SLC2A9: variants seen among roughly 807,000 people sequenced by gnomAD.
The protein encoded by SLC2A9 is solute carrier family 2 member 9.
SLC2A9 carries 39 observed loss-of-function variants against 50.6 expected under a neutral mutation model. The observed-to-expected ratio is 0.77, with a 90% CI of 0.60 to 1.01. The LOEUF (loss-of-function observed/expected upper bound fraction) is 1.01, where lower values mean the gene tolerates loss of function less well. Ranked by LOEUF, SLC2A9 falls within the 50% of genes least tolerant of loss-of-function variation. The pLI, the probability that SLC2A9 is intolerant of heterozygous loss-of-function variation, is 0.00. For synonymous variants in SLC2A9, 324 were observed against 276.9 expected, an observed-to-expected ratio of 1.17 and a Z score of -1.69; for missense variants, 686 against 677.6, an observed-to-expected ratio of 1.01 and a Z score of -0.14.
At chr4:9,802,911 T>G (rs1339520685) in intron 3 of SLC2A9, among the ~76,000 whole-genome samples, 5 of 152,196 alleles carry the variant, frequency 3.3e-5, no homozygotes, top group Non-Finnish European at 7.3e-5. Context: ...ATTTCCCAAT[T>G]GTACTCTATC....
At chr4:9,897,965 G>C (rs2109864783) in intron 8 of SLC2A9, among the ~76,000 whole-genome samples, 1 of 152,252 alleles carries the variant, frequency 6.6e-6, no homozygotes, top group South Asian at 2.1e-4. Flanking sequence ...GCAGGGGTTG[G>C]GATGATGCTT....
Position 9,901,542 on chromosome 4 carries a change from TCTC to T in SLC2A9, c.1113+6690_1113+6692del, listed in dbSNP as rs541185782. ...AGGGATTTAAAGCATGACCTGGCAC[TCTC>T]CTTTTAACACCCCTGTCCACTAAAA... On this transcript the variant is annotated intron_variant, in intron 8 of 11. Transcript: ENST00000264784. 2.6e-5 allele frequency among the ~76,000 whole-genome samples: 4 copies of T among 152,246 alleles called. No individual in the cohort carries two copies. The South Asian group carries it at 8.3e-4, about 32-fold the overall frequency.
downstream of SLC2A9, among the ~76,000 whole-genome samples, chr4:9,823,643 A>G (rs1439998824): frequency 1.3e-5 from 2 of 152,244 alleles, no homozygotes; most frequent in Non-Finnish European, 2.9e-5. Flanking sequence ...ATACAATATT[A>G]AGGACACTAA....
intron 8 of SLC2A9, among the ~76,000 whole-genome samples, chr4:9,895,053 A>C (rs1738267770): frequency 6.6e-6 from 1 of 152,224 alleles, no homozygotes; most frequent in Non-Finnish European, 1.5e-5. Flanking sequence ...CAAGTGCACC[A>C]CCCACAATTT....
intron 7 of SLC2A9, among the ~76,000 whole-genome samples, chr4:9,910,605 G>C (rs769391536): frequency 2.6e-5 from 4 of 152,176 alleles, no homozygotes; most frequent in Admixed American, 6.5e-5. Context: ...CCGTGGTTCT[G>C]ATCCCCATGG....
chr4:9,771,130 A>G (rs1345182690), downstream of SLC2A9: 3 of 188,458 alleles, frequency 1.6e-5, no homozygotes, highest in East Asian at 3.5e-4. Context: ...GGATATTGCA[A>G]AGCATTCAGT....
downstream of SLC2A9, among the ~76,000 whole-genome samples, chr4:9,821,756 A>G (rs1724432076): frequency 6.6e-6 from 1 of 152,238 alleles, no homozygotes; most frequent in Non-Finnish European, 1.5e-5. Flanking sequence ...TTAGTTTCAT[A>G]AAATGAGTTA....
chr4:9,991,415 C>T (rs1022160184), intron 3 of SLC2A9, among the ~76,000 whole-genome samples: 14 of 152,262 alleles, frequency 9.2e-5, no homozygotes, highest in Middle Eastern at 3.4e-3. Flanking sequence ...CATGTAACCT[C>T]GCTCGGGCCA....
At chr4:9,956,202 G>A (rs938864770) in intron 5 of SLC2A9, among the ~76,000 whole-genome samples, 48 of 151,842 alleles carry the variant, frequency 3.2e-4, no homozygotes, top group Non-Finnish European at 5.7e-4. Flanking sequence ...AAGTATCATC[G>A]GCCGGGTGCA....
chr4:9,916,307 C>T (rs1028960704), intron 7 of SLC2A9, among the ~76,000 whole-genome samples: 3 of 152,160 alleles, frequency 2.0e-5, no homozygotes, highest in Non-Finnish European at 2.9e-5. Context: ...AGCAGTCCAC[C>T]GCCGGTGAGC....
At chr4:9,937,992 C>T (rs1747403652) in intron 6 of SLC2A9, among the ~76,000 whole-genome samples, 1 of 152,250 alleles carries the variant, frequency 6.6e-6, no homozygotes, top group African/African-American at 2.4e-5. Context: ...TGTGATCACA[C>T]AGATTCTTTT....
downstream of SLC2A9, among the ~76,000 whole-genome samples, chr4:9,776,404 G>A (rs1019800052): frequency 1.4e-4 from 21 of 151,930 alleles, no homozygotes; most frequent in Admixed American, 1.2e-3. Flanking sequence ...CTCTAACAGG[G>A]AGGAAAATAT....
chr4:9,925,083 C>T (rs1048138872), intron 6 of SLC2A9, among the ~76,000 whole-genome samples: 1 of 152,178 alleles, frequency 6.6e-6, no homozygotes, highest in African/African-American at 2.4e-5. Context: ...TCTGGAGGCT[C>T]CCCCCATCTC....
At chr4:9,783,107 G>A (rs761459664) in intron 3 of SLC2A9, 10 of 1,614,114 alleles carry the variant, frequency 6.2e-6, no homozygotes, top group African/African-American at 1.3e-5. Flanking sequence ...CGTCATCTAT[G>A]CCTTCAACGC....
intron 6 of SLC2A9, among the ~76,000 whole-genome samples, chr4:9,932,614 T>G (rs1054921086): frequency 1.1e-4 from 17 of 152,042 alleles, no homozygotes; most frequent in African/African-American, 3.6e-4. Context: ...GTGAGGGAGG[T>G]GTGGGTCATG....
At chr4:9,905,169 C>T (rs550744107) in intron 8 of SLC2A9, among the ~76,000 whole-genome samples, 3 of 152,250 alleles carry the variant, frequency 2.0e-5, no homozygotes, top group Non-Finnish European at 2.9e-5. Flanking sequence ...TGGATGAATG[C>T]ATGCCTGCAT....
intron 11 of SLC2A9, 134 bp downstream of exon 11, chr4:9,834,747 T>A: frequency 7.1e-7 from 1 of 1,414,456 alleles, no homozygotes; most frequent in Non-Finnish European, 9.8e-7. Context: ...AAGCATAGTT[T>A]CTTCCTTCCT....
At chr4:9,797,553 C>A (rs183529379), downstream of SLC2A9, among the ~76,000 whole-genome samples, 9 of 152,360 alleles carry the variant, frequency 5.9e-5, no homozygotes, top group Admixed American at 5.2e-4. Flanking sequence ...ACATCTGTAA[C>A]CTAGACTTTC....
At chr4:9,907,689 G>A (rs1170375893) in intron 8 of SLC2A9, among the ~76,000 whole-genome samples, 3 of 152,156 alleles carry the variant, frequency 2.0e-5, no homozygotes, top group Non-Finnish European at 4.4e-5. Flanking sequence ...TGTTTCACAG[G>A]GCATTCATAT....
Sources: gnomAD v4.1 joint callset for allele counts (sites outside exome capture counted in the v4.1 genomes callset) on GRCh38, gnomAD v4.1.1 for gene constraint, MANE v1.5 for transcripts, NCBI Gene and HGNC (gene_info 2026-07-23, HGNC 2026-07-21) for gene names.